The following MRS2 variants were observed in gnomAD, a reference collection of about 807,000 sequenced individuals.
The protein encoded by MRS2 is magnesium transporter MRS2.
A neutral mutation model predicts 52.6 loss-of-function variants in MRS2; 40 were observed. The ratio of observed to expected loss-of-function variants is 0.76; its 90% confidence interval spans 0.59 to 0.99. The LOEUF is 0.99. Ranked by LOEUF, MRS2 falls within the 50% of genes least tolerant of loss-of-function variation. The probability of loss-of-function intolerance (pLI) is 0.00; values close to 1 mark genes in which losing one functional copy is unlikely to be tolerated. For synonymous variants in MRS2, 193 were observed against 195.9 expected (o/e 0.98, Z 0.13); for missense variants, 472 against 532.7 (o/e 0.89, Z 1.12).
Position 24,425,395 on chromosome 6 carries a change from A to C in MRS2, c.*1701A>C, listed in dbSNP as rs1013022590. ...GGATAAAATAATTTTTTGATGAATC[A>C]TGTCAATAAAAGGAAAAATAATGTA... On this transcript the variant is annotated 3_prime_UTR_variant, in exon 11 of 11. Coordinates refer to ENST00000378386, the MANE Select transcript of MRS2 (RefSeq NM_020662.4). 6.6e-6 allele frequency: 1 copy of C among 152,312 alleles called. No homozygotes were observed. The highest frequency in any genetic ancestry group is 2.1e-4 in the South Asian group (1 of 4,830). 9.4% of individuals were successfully genotyped at this position (152,312 alleles called of 1,614,324 possible).
chr6:24,404,336 A>C (rs970007700), intron 1 of MRS2, among the ~76,000 whole-genome samples: 6 of 152,252 alleles, frequency 3.9e-5, no homozygotes, highest in African/African-American at 1.4e-4. Context: ...TGTAATCAGC[A>C]AATGCCTTTT....
intron 9 of MRS2, among the ~76,000 whole-genome samples, chr6:24,421,240 T>C (rs1227023525): frequency 6.6e-6 from 1 of 150,606 alleles, no homozygotes; most frequent in Admixed American, 6.6e-5. Flanking sequence ...TCAAATTCCT[T>C]TCTTATAGTT....
intron 5 of MRS2, among the ~76,000 whole-genome samples, chr6:24,412,679 A>G (rs1379903504): frequency 6.6e-6 from 1 of 152,220 alleles, no homozygotes; most frequent in African/African-American, 2.4e-5. Flanking sequence ...TGTTTGTACA[A>G]TCCTTTGTTT....
rs1204971493 is a variant in MRS2 at position 24,424,464 on chromosome 6, A to ATGTT, written c.*772_*775dup. On this transcript the variant is annotated 3_prime_UTR_variant, in exon 11 of 11. Coordinates refer to ENST00000378386, the MANE Select transcript of MRS2 (RefSeq NM_020662.4). ...CCCCTGCCCTGCCCCAAAAAGAAAAATGTTTATTGTCCTGCTAATCTATAT... is the reference window on the plus strand; with the variant it reads ...CCCCTGCCCTGCCCCAAAAAGAAAAATGTTTGTTTATTGTCCTGCTAATCTATAT... 1 of 151,976 alleles carries ATGTT rather than the reference A, an allele frequency of 6.6e-6. No individual in the cohort carries two copies. Among genetic ancestry groups the ATGTT allele is most frequent in the Non-Finnish European group, 1.5e-5 (1 of 67,990 alleles). The allele number at this position is 151,976 out of a possible 1,614,324, so 9.4% of individuals were successfully genotyped here.
chr6:24,421,058 T>C (rs559189706), intron 9 of MRS2, among the ~76,000 whole-genome samples: 2 of 152,330 alleles, frequency 1.3e-5, no homozygotes, highest in East Asian at 3.9e-4. Flanking sequence ...TCCAAAGACC[T>C]TTACAGATTC....
Position 24,418,190 on chromosome 6 carries a change from G to A in MRS2, c.943G>A (p.Val315Met), listed in dbSNP as rs1388381999. 4 of 1,613,030 alleles carry A rather than the reference G, an allele frequency of 2.5e-6. No homozygotes were observed. The highest frequency in any genetic ancestry group is 1.7e-5 in the Admixed American group (1 of 59,838). Residue 315 changes from valine (V) to methionine (M), a missense_variant, in exon 8 of 11, where the codon GTG becomes ATG. Transcript: ENST00000378386. ...DLSNAARELR[V>M]LIDDSQSIIF... ...CTCCAATGCAGCTCGTGAGCTTAGG[G>A]TGCTGATTGATGATTCACAAAGTAT...
chr6:24,411,201 AAG>A (rs1412167586), intron 4 of MRS2, among the ~76,000 whole-genome samples: 466 of 151,954 alleles, frequency 3.1e-3, no homozygotes, highest in Non-Finnish European at 5.0e-3. Flanking sequence ...AAAAAAAAAA[AAG>A]AAAAAAAAAT....
At chr6:24,422,794 GCCCT>G (rs1762091606) in intron 9 of MRS2, 139 bp from the exon 10 acceptor site, 3 of 504,220 alleles carry the variant, frequency 5.9e-6, no homozygotes, top group Middle Eastern at 5.3e-4. Context: ...TGCTATCAAG[GCCCT>G]TGTTTTTCTT....
intron 2 of MRS2, 24 bp downstream of exon 2, chr6:24,405,265 A>T: frequency 6.4e-7 from 1 of 1,554,904 alleles, no homozygotes; most frequent in Non-Finnish European, 8.9e-7. Context: ...GTACATTGGA[A>T]ATCGTACAGA....
intron 4 of MRS2, chr6:24,410,656 A>C: frequency 2.4e-6 from 3 of 1,235,648 alleles, no homozygotes; most frequent in Non-Finnish European, 3.3e-6. Context: ...TCCCATCTCT[A>C]AAAATAAATA....
intron 1 of MRS2, 140 bp downstream of exon 1, chr6:24,403,376 C>A: frequency 1.2e-6 from 1 of 811,830 alleles, no homozygotes; most frequent in Non-Finnish European, 1.8e-6. Flanking sequence ...TGTGAGCTTG[C>A]ACAGGCCCGC....
At chr6:24,404,786 C>T (rs531484778) in intron 1 of MRS2, among the ~76,000 whole-genome samples, 1 of 152,290 alleles carries the variant, frequency 6.6e-6, no homozygotes, top group Non-Finnish European at 1.5e-5. Flanking sequence ...GTATCTACTA[C>T]CAAATGTGCA....
At chr6:24,417,144 A>G (rs1403274201) in intron 7 of MRS2, among the ~76,000 whole-genome samples, 1 of 152,208 alleles carries the variant, frequency 6.6e-6, no homozygotes, top group Non-Finnish European at 1.5e-5. Flanking sequence ...TGATAAGGAA[A>G]TAATAAGATA....
rs1762208227 is a variant in MRS2, at chr6:24,425,626, G to A, written c.*1932G>A. ...TGGTTTTAAATTTTGAACTAAAATG[G>A]ACTGAGCACATTAATTACTGTTTGA... On this transcript the variant is annotated 3_prime_UTR_variant, in exon 11 of 11. Coordinates refer to ENST00000378386, the MANE Select transcript of MRS2 (RefSeq NM_020662.4). 6.6e-6 allele frequency: 1 copy of A among 152,158 alleles called. No homozygotes were observed. The highest frequency in any genetic ancestry group is 6.5e-5 in the Admixed American group (1 of 15,270). 9.4% of individuals were successfully genotyped at this position (152,158 alleles called of 1,614,324 possible).
intron 1 of MRS2, among the ~76,000 whole-genome samples, chr6:24,404,602 G>C (rs1431368956): frequency 6.6e-6 from 1 of 151,238 alleles, no homozygotes; most frequent in African/African-American, 2.4e-5. Context: ...GTTTTAAATA[G>C]ACAATTTTAA....
At chr6:24,414,303 C>T (rs986345566) in intron 5 of MRS2, among the ~76,000 whole-genome samples, 10 of 150,850 alleles carry the variant, frequency 6.6e-5, no homozygotes, top group South Asian at 4.2e-4. Flanking sequence ...TGCCGCCTTC[C>T]GCAGTGTTTG....
At chr6:24,414,522 C>G (rs1761775077) in intron 5 of MRS2, among the ~76,000 whole-genome samples, 1 of 152,064 alleles carries the variant, frequency 6.6e-6, no homozygotes. Context: ...TAGTACAGAA[C>G]AAAATGGAGT....
chr6:24,416,518 G>A lies in MRS2; in HGVS notation c.836+5G>A. ...ATGGAGTGACCCACAAGTCTTGTAA[G>A]TATATAATTATACTTTGTTATTTAT... On this transcript the variant is annotated splice_donor_5th_base_variant and intron_variant, in intron 7 of 10. Coordinates refer to ENST00000378386, the MANE Select transcript of MRS2 (RefSeq NM_020662.4). 1 of 1,343,362 alleles carries A rather than the reference G, an allele frequency of 7.4e-7. No homozygotes were observed. The highest frequency in any genetic ancestry group is 1.1e-6 in the Non-Finnish European group (1 of 943,030). The allele number at this position is 1,343,362 out of a possible 1,614,324, so 83.2% of individuals were successfully genotyped here.
At chr6:24,403,315 G>A (rs1025076625) in intron 1 of MRS2, 79 bp downstream of exon 1, 21 of 1,378,388 alleles carry the variant, frequency 1.5e-5, no homozygotes, top group South Asian at 4.5e-5. Flanking sequence ...CGTCCGGCGC[G>A]GCGCGCCTGT....
Sources: gnomAD v4.1 joint callset for allele counts (sites outside exome capture counted in the v4.1 genomes callset) on GRCh38, gnomAD v4.1.1 for gene constraint, MANE v1.5 for transcripts, NCBI Gene and HGNC (gene_info 2026-07-23, HGNC 2026-07-21) for gene names.